The following ABLIM2 variants were observed in gnomAD, a reference collection of about 807,000 sequenced individuals.
ABLIM2 encodes actin binding LIM protein family member 2.
A neutral mutation model predicts 97.7 loss-of-function variants in ABLIM2; 53 were observed. That is an observed-to-expected ratio of 0.54 (90% confidence interval 0.44 to 0.68). The LOEUF (loss-of-function observed/expected upper bound fraction) is 0.68, where lower values mean the gene tolerates loss of function less well. ABLIM2 is among the 30% of genes least tolerant of loss of function. The probability of loss-of-function intolerance (pLI) is 0.00; values close to 1 mark genes in which losing one functional copy is unlikely to be tolerated. For missense variants in ABLIM2, 835 were observed against 867.2 expected, an observed-to-expected ratio of 0.96 and a Z score of 0.47; for synonymous variants, 361 against 345.8, an observed-to-expected ratio of 1.04 and a Z score of -0.49.
At chr4:8,154,574 C>T (rs565760796) in intron 1 of ABLIM2, among the ~76,000 whole-genome samples, 1 of 152,346 alleles carries the variant, frequency 6.6e-6, no homozygotes, top group Non-Finnish European at 1.5e-5. Context: ...GCCACCGCAC[C>T]CGGCCAATTA....
In ABLIM2 at chr4:8,058,429, C is replaced by T. The variant is rs767934535; in HGVS notation, c.763+2538G>A. Reference sequence around the variant, plus strand: ...GGCCGCATGAGGTCATTCAACAGCCCGCAGGCACCTGCACGGCAGACGCTC... The same window carrying T: ...GGCCGCATGAGGTCATTCAACAGCCTGCAGGCACCTGCACGGCAGACGCTC... On this transcript the variant is annotated intron_variant, in intron 7 of 20. Coordinates refer to ENST00000447017, the MANE Select transcript of ABLIM2 (RefSeq NM_001130083.2). This position sits in a 1 kb window ranked among gnomAD's most constrained non-coding sequence, Gnocchi z 4.2. Among the ~76,000 whole-genome samples the T allele has an allele frequency of 2.6e-5, 4 of 152,222 alleles. No homozygotes were observed. The highest frequency in any genetic ancestry group is 4.8e-5 in the African/African-American group (2 of 41,464).
At position 8,072,077 on chromosome 4, in the gene ABLIM2, C is replaced by T. The variant is rs921774194; in HGVS notation, c.675+5551G>A. The T allele has an allele frequency of 1.5e-5, 15 of 985,268 alleles. No individual in the cohort carries two copies. Among genetic ancestry groups the T allele is most frequent in the African/African-American group, 1.2e-4 (7 of 57,220 alleles). The allele number at this position is 985,268 out of a possible 1,614,324, so 61.0% of individuals were successfully genotyped here. A position where few individuals can be genotyped will look rare whatever the true frequency, so the allele number is the denominator to read the frequency against. On this transcript the variant is annotated intron_variant, in intron 6 of 20. Transcript: ENST00000447017. The surrounding 1 kb of genome is among the most constrained non-coding windows in gnomAD (Gnocchi z 5.8). ...GCAGAGCCCGCCGACTCAGCCACGCCGCCACAGACTCGCCTCCCCGGCAGA... is the reference window on the plus strand; with the variant it reads ...GCAGAGCCCGCCGACTCAGCCACGCTGCCACAGACTCGCCTCCCCGGCAGA...
chr4:7,997,321 C>T lies in ABLIM2; in HGVS notation c.1619-4394G>A, dbSNP rs778518928. 5.9e-5 allele frequency among the ~76,000 whole-genome samples: 9 copies of T among 152,186 alleles called. No individual in the cohort carries two copies. The South Asian group carries it at 6.2e-4, about 11-fold the overall frequency. ...TCTTGATCTCGTGATCCGCCCACCT[C>T]GGCCTCCTAAAGTGCTGGGATTACA... On this transcript the variant is annotated intron_variant, in intron 16 of 20. Coordinates refer to ENST00000447017, the MANE Select transcript of ABLIM2 (RefSeq NM_001130083.2).
At chr4:7,978,389 A>G (rs1735269348) in intron 20 of ABLIM2, among the ~76,000 whole-genome samples, 1 of 152,218 alleles carries the variant, frequency 6.6e-6, no homozygotes, top group Admixed American at 6.5e-5. Flanking sequence ...GGGTGTTTTA[A>G]AAGGATACAT....
chr4:8,121,594 G>A (rs1049494728), intron 1 of ABLIM2, among the ~76,000 whole-genome samples: 3 of 152,132 alleles, frequency 2.0e-5, no homozygotes, highest in African/African-American at 4.8e-5. Context: ...CTGTGGCCAG[G>A]CCAACACCAA....
At chr4:8,079,700 C>A (rs865866465) in intron 5 of ABLIM2, among the ~76,000 whole-genome samples, 1 of 152,150 alleles carries the variant, frequency 6.6e-6, no homozygotes. Flanking sequence ...CGGGCACATC[C>A]ACCGACGTGA....
chr4:8,089,585 A>C (rs1396152309), intron 3 of ABLIM2, among the ~76,000 whole-genome samples: 1 of 151,976 alleles, frequency 6.6e-6, no homozygotes, highest in Non-Finnish European at 1.5e-5. Context: ...AAACACAAAA[A>C]TTAGCCATGC....
At chr4:8,109,214 G>A (rs1035576491) in intron 1 of ABLIM2, among the ~76,000 whole-genome samples, 3 of 152,240 alleles carry the variant, frequency 2.0e-5, no homozygotes, top group Admixed American at 6.5e-5. Context: ...CTGAGGCACA[G>A]AGCCAGGGGT....
chr4:8,041,011 C>T (rs2151609241), intron 9 of ABLIM2, among the ~76,000 whole-genome samples: 1 of 152,380 alleles, frequency 6.6e-6, no homozygotes, highest in Non-Finnish European at 1.5e-5. Flanking sequence ...CACATTCTCC[C>T]TTGTGTCAAA....
At chr4:8,096,409 G>A (rs1471273972) in intron 3 of ABLIM2, among the ~76,000 whole-genome samples, 1 of 152,224 alleles carries the variant, frequency 6.6e-6, no homozygotes, top group African/African-American at 2.4e-5. Flanking sequence ...TCAAACACTC[G>A]GATAATCCCT....
At position 8,029,643 on chromosome 4, in the gene ABLIM2, G is replaced by C; in HGVS notation, c.1168+13C>G. ...GCATCCTGGGGGCTCAGAGGAACCA[G>C]GGGGCCAAGTACCTGGACGGCTGTA... On this transcript the variant is annotated intron_variant, in intron 11 of 20. Transcript: ENST00000447017. 1 of 1,507,564 alleles carries C rather than the reference G, an allele frequency of 6.6e-7. No individual in the cohort carries two copies. The highest frequency in any genetic ancestry group is 8.9e-7 in the Non-Finnish European group (1 of 1,118,308). 93.4% of individuals were successfully genotyped at this position (1,507,564 alleles called of 1,614,324 possible). A position where few individuals can be genotyped will look rare whatever the true frequency, so the allele number is the denominator to read the frequency against.
intron 18 of ABLIM2, 83 bp from the exon 19 acceptor site, chr4:7,983,637 G>T: frequency 6.5e-7 from 1 of 1,533,402 alleles, no homozygotes; most frequent in Non-Finnish European, 8.9e-7. Context: ...CCCTGCCCTG[G>T]GGTACCCCTG....
chr4:8,070,892 C>T (rs996443532), intron 6 of ABLIM2, among the ~76,000 whole-genome samples: 6 of 152,138 alleles, frequency 3.9e-5, no homozygotes, highest in Non-Finnish European at 7.4e-5. Flanking sequence ...GGCCCCTGCA[C>T]AGACTGCACG....
chr4:7,980,938 C>CTTATTTTTTTTTTTTTT (rs1737632663), intron 20 of ABLIM2, among the ~76,000 whole-genome samples: 1 of 38,496 alleles, frequency 2.6e-5, no homozygotes, highest in East Asian at 6.9e-4. Context: ...TCCACAACCC[C>CTTATTTTTTTTTTTTTT]TTATTTTTTT....
Position 8,021,605 on chromosome 4 carries a change from C to A in ABLIM2, c.1268-1302G>T, listed in dbSNP as rs1185987020. On this transcript the variant is annotated intron_variant, in intron 12 of 20. Coordinates refer to ENST00000447017, the MANE Select transcript of ABLIM2 (RefSeq NM_001130083.2). The surrounding 1 kb of genome is among the most constrained non-coding windows in gnomAD (Gnocchi z 5.5). ...ACTTCTGCGGTGGGTGAGTGATGTGCTGGGCCTGAAGGTGGACTGGCCAGG... is the reference window on the plus strand; with the variant it reads ...ACTTCTGCGGTGGGTGAGTGATGTGATGGGCCTGAAGGTGGACTGGCCAGG... 6.6e-6 allele frequency among the ~76,000 whole-genome samples: 1 copy of A among 152,210 alleles called. No homozygotes were observed. The highest frequency in any genetic ancestry group is 2.1e-4 in the South Asian group (1 of 4,826).
chr4:8,020,390 G>A (rs1384246613), intron 12 of ABLIM2, 87 bp from the exon 13 acceptor site: 1 of 1,220,770 alleles, frequency 8.2e-7, no homozygotes, highest in South Asian at 1.3e-5. Flanking sequence ...CTTATTTGCA[G>A]CGAGCCCCAT....
Position 8,029,719 on chromosome 4 carries a change from C to T in ABLIM2, c.1105G>A (p.Gly369Arg). The T allele has an allele frequency of 6.4e-7, 1 of 1,554,924 alleles. No homozygotes were observed. Among genetic ancestry groups the T allele is most frequent in the East Asian group, 2.4e-5 (1 of 41,250 alleles). ...QCRTSSPSST[G>R]SVSLGRYTPT... ...GTGTAGCGCCCGAGGCTAACCGACC[C>T]AGTGGAGCTTGGGCTGGAGGTCCGA... Residue 369 changes from glycine (G) to arginine (R), a missense_variant, in exon 11 of 21, where the codon GGG becomes AGG. Gly to Arg is a moderately radical substitution (Grantham distance 125, BLOSUM62 -2). Coordinates refer to ENST00000447017, the MANE Select transcript of ABLIM2 (RefSeq NM_001130083.2).
intron 20 of ABLIM2, among the ~76,000 whole-genome samples, chr4:7,975,870 G>A (rs1033133715): frequency 1.3e-5 from 2 of 152,132 alleles, no homozygotes; most frequent in African/African-American, 4.8e-5. Context: ...AGGCCTGAGC[G>A]AATGCCCGAC....
chr4:8,084,482 C>A (rs1822026827), intron 4 of ABLIM2, among the ~76,000 whole-genome samples: 1 of 152,214 alleles, frequency 6.6e-6, no homozygotes, highest in Admixed American at 6.5e-5. Context: ...CTTGCAGGAG[C>A]AAAGGACACA....
Sources: allele counts gnomAD v4.1 joint callset (sites outside exome capture counted in the v4.1 genomes callset), GRCh38; gene constraint gnomAD v4.1.1; non-coding constraint Gnocchi (gnomAD v3.1); transcripts MANE v1.5; gene names NCBI Gene and HGNC (gene_info 2026-07-23, HGNC 2026-07-21).